The following PYGO1 variants were observed in gnomAD, a reference collection of about 807,000 sequenced individuals.
PYGO1 encodes the protein pygopus homolog 1.
In PYGO1, 6 loss-of-function variants were observed where a neutral mutation model predicts 29.5. That is an observed-to-expected ratio of 0.20 (90% confidence interval 0.11 to 0.40). The LOEUF (loss-of-function observed/expected upper bound fraction) is 0.40. PYGO1 is among the 10% of genes least tolerant of loss of function. The pLI is 1.00. For missense variants in PYGO1, 515 were observed against 514.9 expected, an observed-to-expected ratio of 1.00 and a Z score of 0.00; for synonymous variants, 186 against 180.5, an observed-to-expected ratio of 1.03 and a Z score of -0.24.
Position 55,549,012 on chromosome 15 carries a change from T to G in PYGO1, c.50-17A>C, listed in dbSNP as rs113023840. 4 of 1,510,158 alleles carry G rather than the reference T, an allele frequency of 2.6e-6. No individual in the cohort carries two copies. In the Admixed American group the frequency reaches 7.3e-5, roughly 27 times the overall value. 93.5% of individuals were successfully genotyped at this position (1,510,158 alleles called of 1,614,324 possible). A position where few individuals can be genotyped will look rare whatever the true frequency, so the allele number is the denominator to read the frequency against. Reference sequence around the variant, plus strand: ...TATCACCACCTAAAAAAAAAAAAATTCAGGTAATATTTCCCACTTGTAAGT... The same window carrying G: ...TATCACCACCTAAAAAAAAAAAAATGCAGGTAATATTTCCCACTTGTAAGT... On this transcript the variant is annotated splice_polypyrimidine_tract_variant and intron_variant, in intron 1 of 2. Transcript: ENST00000563719.
chr15:55,548,707 TAAAAAA>T (rs60796044), intron 2 of PYGO1, among the ~76,000 whole-genome samples, 197 bp downstream of exon 2: 9 of 55,442 alleles, frequency 1.6e-4, no homozygotes, highest in African/African-American at 7.5e-4. Flanking sequence ...AGAATCCACC[TAAAAAA>T]AAAAAAAAAA....
chr15:55,558,680 C>T (rs569047879), intron 1 of PYGO1, among the ~76,000 whole-genome samples: 15 of 151,950 alleles, frequency 9.9e-5, no homozygotes, highest in Admixed American at 2.6e-4. Context: ...ACAGAGCCAA[C>T]GCATGTACAA....
chr15:55,566,992 A>G (rs1160109508), intron 1 of PYGO1, among the ~76,000 whole-genome samples: 4 of 152,068 alleles, frequency 2.6e-5, no homozygotes, highest in Admixed American at 2.6e-4. Flanking sequence ...TCAGCCTCCC[A>G]AAGTGCTGGG....
rs1191132186 is a variant in PYGO1, at chr15:55,540,276, C to T, written c.*5747G>A. 6.6e-6 allele frequency: 1 copy of T among 151,928 alleles called. No individual in the cohort carries two copies. The highest frequency in any genetic ancestry group is 1.9e-4 in the East Asian group (1 of 5,192). The allele number at this position is 151,928 out of a possible 1,614,324, so 9.4% of individuals were successfully genotyped here. On this transcript the variant is annotated 3_prime_UTR_variant, in exon 3 of 3. Coordinates refer to ENST00000563719, the MANE Select transcript of PYGO1 (RefSeq NM_001367806.1). ...TAGAGGAGTCTTACGGTATCTTAAT[C>T]ATGTCTAAATAAATGAAGATAAATA...
chr15:55,582,290 T>C lies in PYGO1; in HGVS notation c.49+5545A>G, dbSNP rs182797587. 1.3e-3 allele frequency among the ~76,000 whole-genome samples: 200 copies of C among 151,008 alleles called. No homozygotes were observed. The Middle Eastern group carries it at 0.021, about 16-fold the overall frequency. ...CGTGGGAGTAGGGGATGGATAAAGA[T>C]GGCCATGTTCCCCAAGAGAGGGAAT... On this transcript the variant is annotated intron_variant, in intron 1 of 2. Coordinates refer to ENST00000563719, the MANE Select transcript of PYGO1 (RefSeq NM_001367806.1).
intron 1 of PYGO1, among the ~76,000 whole-genome samples, chr15:55,584,946 C>T (rs528176855): frequency 1.3e-5 from 2 of 152,276 alleles, no homozygotes; most frequent in Middle Eastern, 6.8e-3. Context: ...TAAGGAGCAC[C>T]TGGGGATCTT....
chr15:55,552,291 G>A (rs1443447955), intron 1 of PYGO1, among the ~76,000 whole-genome samples: 2 of 149,004 alleles, frequency 1.3e-5, no homozygotes, highest in African/African-American at 5.0e-5. Flanking sequence ...GGGACGCAGA[G>A]GTTCCACTGA....
intron 1 of PYGO1, among the ~76,000 whole-genome samples, chr15:55,566,779 G>A (rs533425811): frequency 1.3e-5 from 2 of 152,280 alleles, no homozygotes; most frequent in South Asian, 4.1e-4. Flanking sequence ...TGCCCAGGCT[G>A]GAGTGCAGTG....
intron 1 of PYGO1, among the ~76,000 whole-genome samples, chr15:55,559,631 A>T (rs1015959883): frequency 6.6e-6 from 1 of 152,178 alleles, no homozygotes; most frequent in Non-Finnish European, 1.5e-5. Flanking sequence ...ACATATACAC[A>T]ATGGAATACT....
At chr15:55,549,302 C>A (rs573704926) in intron 1 of PYGO1, among the ~76,000 whole-genome samples, 3 of 152,170 alleles carry the variant, frequency 2.0e-5, no homozygotes, top group African/African-American at 7.2e-5. Flanking sequence ...TTCTGGCCTA[C>A]CTTTCCAAAG....
At chr15:55,580,089 A>G (rs1037279342) in intron 1 of PYGO1, among the ~76,000 whole-genome samples, 3 of 152,356 alleles carry the variant, frequency 2.0e-5, no homozygotes, top group Admixed American at 2.0e-4. Flanking sequence ...TCACATGTGA[A>G]GATAACTATA....
In PYGO1 at chr15:55,541,433, C is replaced by G. The variant is rs2058827638; in HGVS notation, c.*4590G>C. ...CAGCCTAAAGGAAACTGGAAGTACC[C>G]TCAGACAGTACCAGCTAATTCACTA... On this transcript the variant is annotated 3_prime_UTR_variant, in exon 3 of 3. Transcript: ENST00000563719. 1 of 152,130 alleles carries G rather than the reference C, an allele frequency of 6.6e-6. No homozygotes were observed. The highest frequency in any genetic ancestry group is 6.5e-5 in the Admixed American group (1 of 15,270). The allele number at this position is 152,130 out of a possible 1,614,324, so 9.4% of individuals were successfully genotyped here.
chr15:55,575,990 C>T (rs1416133364), intron 1 of PYGO1, among the ~76,000 whole-genome samples: 5 of 152,112 alleles, frequency 3.3e-5, no homozygotes, highest in Non-Finnish European at 7.4e-5. Context: ...AAAACTTTAG[C>T]ATCTTATTTT....
At chr15:55,576,758 A>G (rs1464410997) in intron 1 of PYGO1, among the ~76,000 whole-genome samples, 1 of 145,770 alleles carries the variant, frequency 6.9e-6, no homozygotes, top group Non-Finnish European at 1.5e-5. Flanking sequence ...TGGGCGACAG[A>G]TCAAAAAAAA....
At chr15:55,588,801 TACC>T, upstream of PYGO1, 1 of 1,613,560 alleles carries the variant, frequency 6.2e-7, no homozygotes, top group African/African-American at 1.3e-5. Flanking sequence ...AAGATGAACG[TACC>T]ATGCGAGGAA....
intron 2 of PYGO1, among the ~76,000 whole-genome samples, chr15:55,547,422 G>T (rs2438105): frequency 0.99 from 151,186 of 152,330 alleles, 75,090 homozygotes; most frequent in Non-Finnish European, 1. Context: ...ACCAAAAGTA[G>T]TTAACTTTCA....
intron 1 of PYGO1, among the ~76,000 whole-genome samples, chr15:55,582,227 T>C (rs915952793): frequency 2.4e-5 from 2 of 84,070 alleles, no homozygotes; most frequent in African/African-American, 7.4e-5. Flanking sequence ...AAAAAAAAAT[T>C]AAGGAGACAG....
At position 55,588,085 on chromosome 15, in the gene PYGO1, G is replaced by C. The variant is rs2059057483; in HGVS notation, c.-202C>G. 1 of 1,043,784 alleles carries C rather than the reference G, an allele frequency of 9.6e-7. No homozygotes were observed. Among genetic ancestry groups the C allele is most frequent in the Non-Finnish European group, 1.2e-6 (1 of 867,726 alleles). The allele number at this position is 1,043,784 out of a possible 1,614,324, so 64.7% of individuals were successfully genotyped here. On this transcript the variant is annotated 5_prime_UTR_variant, in exon 1 of 3. Coordinates refer to ENST00000563719, the MANE Select transcript of PYGO1 (RefSeq NM_001367806.1). ...GAGGCCTCGGGGCGGCGGGGCGGCG[G>C]GGCGGCGTGCGGGCACCGGCGGGGC...
At chr15:55,566,756 G>A (rs1567056418) in intron 1 of PYGO1, among the ~76,000 whole-genome samples, 1 of 152,090 alleles carries the variant, frequency 6.6e-6, no homozygotes, top group Non-Finnish European at 1.5e-5. Flanking sequence ...TTTGAGACAA[G>A]GTCTCACTCT....
Sources: allele counts gnomAD v4.1 joint callset (sites outside exome capture counted in the v4.1 genomes callset), GRCh38; gene constraint gnomAD v4.1.1; transcripts MANE v1.5; gene names NCBI Gene and HGNC (gene_info 2026-07-23, HGNC 2026-07-21).